The following MGAT4C variants were observed in gnomAD, a reference collection of about 807,000 sequenced individuals.
MGAT4C encodes the protein alpha-1,3-mannosyl-glycoprotein 4-beta-N-acetylglucosaminyltransferase C.
In MGAT4C, 19 loss-of-function variants were observed where a neutral mutation model predicts 40.1. That is an observed-to-expected ratio of 0.47 (90% confidence interval 0.33 to 0.70). MGAT4C has a LOEUF of 0.70. Ranked by LOEUF, MGAT4C falls within the 30% of genes least tolerant of loss-of-function variation. The pLI, the probability that MGAT4C is intolerant of heterozygous loss-of-function variation, is 0.02. For synonymous variants in MGAT4C, 181 were observed against 187.1 expected, an observed-to-expected ratio of 0.97 and a Z score of 0.27; for missense variants, 491 against 563.2, an observed-to-expected ratio of 0.87 and a Z score of 1.30.
intron 1 of MGAT4C, among the ~76,000 whole-genome samples, chr12:86,085,667 T>G (rs7294840): frequency 0.23 from 34,809 of 151,976 alleles, 5,676 homozygotes; most frequent in African/African-American, 0.46. Flanking sequence ...ATCCAGAATC[T>G]ACAAGGAACT....
At chr12:86,830,592 GGTCCAATCTAC>G (rs1268865572) in intron 1 of MGAT4C, among the ~76,000 whole-genome samples, 1 of 151,662 alleles carries the variant, frequency 6.6e-6, no homozygotes, top group African/African-American at 2.4e-5. Flanking sequence ...CAACTCTATA[GGTCCAATCTAC>G]ATAATGGTAG....
intron 1 of MGAT4C, among the ~76,000 whole-genome samples, chr12:86,830,815 TCCTA>T (rs1952911677): frequency 3.3e-5 from 5 of 151,804 alleles, no homozygotes; most frequent in Non-Finnish European, 5.9e-5. Flanking sequence ...GTTACCCTCC[TCCTA>T]AAGAGGAGCT....
intron 1 of MGAT4C, among the ~76,000 whole-genome samples, chr12:86,121,221 A>G (rs1283835100): frequency 6.6e-6 from 1 of 152,198 alleles, no homozygotes; most frequent in East Asian, 1.9e-4. Context: ...AAATGAACAA[A>G]GCCTCCAAGA....
At chr12:86,087,340 CT>C (rs1361950679) in intron 1 of MGAT4C, among the ~76,000 whole-genome samples, 1 of 151,820 alleles carries the variant, frequency 6.6e-6, no homozygotes, top group East Asian at 1.9e-4. Context: ...TATTTTGTTG[CT>C]TCTGTAAAAT....
intron 2 of MGAT4C, among the ~76,000 whole-genome samples, chr12:86,025,991 C>T (rs185638481): frequency 7.2e-4 from 109 of 151,732 alleles, no homozygotes; most frequent in African/African-American, 2.5e-3. Context: ...TACAATGATA[C>T]ATTATGATTA....
At chr12:86,350,935 CAT>C (rs376272735) in intron 3 of MGAT4C, among the ~76,000 whole-genome samples, 3 of 151,574 alleles carry the variant, frequency 2.0e-5, no homozygotes, top group East Asian at 1.9e-4. Flanking sequence ...CCTTTATAGA[CAT>C]GTTGTTTTTT....
Position 86,792,756 on chromosome 12 carries a change from A to G in MGAT4C, c.-262+45910T>C, listed in dbSNP as rs138769972. On this transcript the variant is annotated intron_variant, in intron 1 of 7. Coordinates refer to the MGAT4C transcript ENST00000548651. The stretch of plus-strand genomic sequence containing the variant: ...AGACCAGCGCAAACAACATGGTGAA[A>G]CCCCATTTCCACTAAAAATACAAAA... Among the ~76,000 whole-genome samples the G allele has an allele frequency of 2.8e-4, 43 of 152,024 alleles. 1 individual carries two copies. The highest frequency in any genetic ancestry group is 1.2e-3 in the Admixed American group (19 of 15,260).
intron 3 of MGAT4C, among the ~76,000 whole-genome samples, chr12:86,337,423 C>G (rs1412985981): frequency 6.6e-6 from 1 of 151,324 alleles, no homozygotes; most frequent in African/African-American, 2.4e-5. Flanking sequence ...ATGGCGAAAC[C>G]CTGCCACTTA....
intron 2 of MGAT4C, among the ~76,000 whole-genome samples, chr12:86,662,112 A>G (rs949082006): frequency 3.3e-5 from 5 of 152,164 alleles, no homozygotes; most frequent in Admixed American, 1.3e-4. Context: ...TCAGGAAGAC[A>G]TGAAGACCCC....
At chr12:86,326,855 C>T (rs1449525997) in intron 4 of MGAT4C, among the ~76,000 whole-genome samples, 1 of 152,064 alleles carries the variant, frequency 6.6e-6, no homozygotes, top group Admixed American at 6.6e-5. Flanking sequence ...AGGAGCCTTA[C>T]TTCACTCTTT....
At chr12:86,505,183 C>T (rs565263877) in intron 2 of MGAT4C, among the ~76,000 whole-genome samples, 1 of 151,840 alleles carries the variant, frequency 6.6e-6, no homozygotes, top group Admixed American at 6.6e-5. Flanking sequence ...ACATTAATGG[C>T]TTCATGACTA....
intron 1 of MGAT4C, among the ~76,000 whole-genome samples, chr12:86,097,563 T>C (rs1874168660): frequency 6.6e-6 from 1 of 151,622 alleles, no homozygotes; most frequent in Admixed American, 6.6e-5. Context: ...TCCATAGAAA[T>C]ATACTGGAAA....
intron 1 of MGAT4C, among the ~76,000 whole-genome samples, chr12:86,728,440 C>CA (rs1386894052): frequency 1.3e-5 from 2 of 152,316 alleles, no homozygotes; most frequent in Admixed American, 6.5e-5. Context: ...CCTGTAATCC[C>CA]AGCACTTTAG....
chr12:86,659,823 G>A (rs1459752891), intron 2 of MGAT4C, among the ~76,000 whole-genome samples: 2 of 151,770 alleles, frequency 1.3e-5, no homozygotes, highest in South Asian at 2.1e-4. Context: ...ACAGAAATAT[G>A]TTGACTAAAT....
At chr12:86,808,926 C>T (rs1952417532) in intron 1 of MGAT4C, among the ~76,000 whole-genome samples, 1 of 152,088 alleles carries the variant, frequency 6.6e-6, no homozygotes, top group Non-Finnish European at 1.5e-5. Flanking sequence ...TAAGCAACTT[C>T]ACCAAAGTCT....
At chr12:86,231,779 T>C (rs968846571) in intron 1 of MGAT4C, among the ~76,000 whole-genome samples, 2 of 152,202 alleles carry the variant, frequency 1.3e-5, no homozygotes, top group African/African-American at 4.8e-5. Context: ...AATATGCTCA[T>C]AATTATATTA....
chr12:86,196,314 T>C (rs1442577972), intron 1 of MGAT4C, among the ~76,000 whole-genome samples: 4 of 152,218 alleles, frequency 2.6e-5, no homozygotes, highest in Non-Finnish European at 5.9e-5. Flanking sequence ...CATAATCCTC[T>C]TTGGTCTGAT....
At chr12:86,171,136 C>CTGAAG (rs1886787566) in intron 1 of MGAT4C, among the ~76,000 whole-genome samples, 2 of 132,060 alleles carry the variant, frequency 1.5e-5, no homozygotes, top group African/African-American at 2.5e-5. Context: ...CTTTGGGAGG[C>CTGAAG]CGAAGTGGGT....
intron 1 of MGAT4C, among the ~76,000 whole-genome samples, chr12:86,195,618 G>A (rs1389376438): frequency 6.6e-6 from 1 of 152,024 alleles, no homozygotes; most frequent in African/African-American, 2.4e-5. Flanking sequence ...CACAGATATA[G>A]GTATTTATCT....
Sources: gnomAD v4.1 joint callset for allele counts (sites outside exome capture counted in the v4.1 genomes callset) on GRCh38, gnomAD v4.1.1 for gene constraint, MANE v1.5 for transcripts, NCBI Gene and HGNC (gene_info 2026-07-23, HGNC 2026-07-21) for gene names.